The following NAALADL2 variants were observed in gnomAD, a reference collection of about 807,000 sequenced individuals.
The protein encoded by NAALADL2 is N-acetylated alpha-linked acidic dipeptidase like 2, also known as inactive N-acetylated-alpha-linked acidic dipeptidase-like protein 2.
Under a neutral mutation model 87.2 loss-of-function variants are expected in NAALADL2, and 76 were observed. That is an observed-to-expected ratio of 0.87 (90% CI 0.72 to 1.05). The LOEUF is 1.05. NAALADL2 is among the 50% of genes least tolerant of loss of function. The pLI, the probability that NAALADL2 is intolerant of heterozygous loss-of-function variation, is 0.00. For synonymous variants in NAALADL2, 354 were observed against 331.0 expected, an observed-to-expected ratio of 1.07 and a Z score of -0.75; for missense variants, 1,089 against 945.8, an observed-to-expected ratio of 1.15 and a Z score of -1.99.
chr3:175,681,809 A>C (rs1164275799), intron 11 of NAALADL2, among the ~76,000 whole-genome samples: 1 of 152,194 alleles, frequency 6.6e-6, no homozygotes, highest in Admixed American at 6.5e-5. Context: ...ATCTGACTCA[A>C]TGCTTGAAGA....
intron 9 of NAALADL2, among the ~76,000 whole-genome samples, chr3:175,522,946 T>C (rs1732856164): frequency 6.6e-6 from 1 of 152,228 alleles, no homozygotes; most frequent in South Asian, 2.1e-4. Context: ...ATGAAAGTTT[T>C]CCTGGAAGAC....
rs185923123 is a variant in NAALADL2 at position 174,717,547 on chromosome 3, G to A, written c.-114-20094G>A. On this transcript the variant is annotated intron_variant, in intron 2 of 3. Coordinates refer to the NAALADL2 transcript ENST00000434257. Reference sequence around the variant, plus strand: ...CTTCAGTTTAGTAGGCCAAATGTGTGCTTTCAGAGACCCATGACAAAAGGT... The same window carrying A: ...CTTCAGTTTAGTAGGCCAAATGTGTACTTTCAGAGACCCATGACAAAAGGT... 3.9e-5 allele frequency among the ~76,000 whole-genome samples: 6 copies of A among 152,214 alleles called. No homozygotes were observed. In the East Asian group the frequency reaches 1.2e-3, roughly 29 times the overall value.
chr3:175,585,232 A>T lies in NAALADL2; in HGVS notation c.1800+9045A>T, dbSNP rs1007035750. ...TAACCGAGGCCTCCACAGCATTAGG[A>T]TCTTCAAGACCTCATTAGGCAACAG... On this transcript the variant is annotated intron_variant, in intron 10 of 13. Transcript: ENST00000454872. 2.0e-5 allele frequency among the ~76,000 whole-genome samples: 3 copies of T among 152,246 alleles called. No individual in the cohort carries two copies. In the East Asian group the frequency reaches 5.8e-4, roughly 29 times the overall value.
chr3:175,529,308 G>A (rs1205876743), intron 9 of NAALADL2, among the ~76,000 whole-genome samples: 1 of 152,174 alleles, frequency 6.6e-6, no homozygotes, highest in Non-Finnish European at 1.5e-5. Flanking sequence ...TTAACTTCCA[G>A]TTTAATGGAA....
chr3:174,644,198 G>A (rs1054647742), intron 2 of NAALADL2, among the ~76,000 whole-genome samples: 1 of 152,152 alleles, frequency 6.6e-6, no homozygotes, highest in Admixed American at 6.5e-5. Context: ...TGCTTTCAGC[G>A]AGATTAGAAA....
intron 9 of NAALADL2, among the ~76,000 whole-genome samples, chr3:175,540,868 A>G (rs1712195897): frequency 6.6e-6 from 1 of 152,184 alleles, no homozygotes; most frequent in Non-Finnish European, 1.5e-5. Context: ...GATAATATTA[A>G]AGAGCCAAAG....
At chr3:175,303,558 A>G (rs1322081516) in intron 4 of NAALADL2, among the ~76,000 whole-genome samples, 1 of 152,168 alleles carries the variant, frequency 6.6e-6, no homozygotes, top group Non-Finnish European at 1.5e-5. Context: ...TCCATATTAG[A>G]TAACCTCATG....
At chr3:175,794,845 T>C (rs1208860142) in intron 13 of NAALADL2, among the ~76,000 whole-genome samples, 1 of 152,190 alleles carries the variant, frequency 6.6e-6, no homozygotes, top group East Asian at 1.9e-4. Context: ...TGAGACAACA[T>C]ACTATAGACT....
At chr3:175,466,145 T>C (rs145837974) in intron 7 of NAALADL2, among the ~76,000 whole-genome samples, 76 of 152,214 alleles carry the variant, frequency 5.0e-4, no homozygotes, top group African/African-American at 1.8e-3. Context: ...TACCATCCAG[T>C]TGTGGGACAT....
chr3:174,446,221 G>C (rs1443022976), intron 1 of NAALADL2, among the ~76,000 whole-genome samples: 1 of 152,048 alleles, frequency 6.6e-6, no homozygotes, highest in Non-Finnish European at 1.5e-5. Context: ...AATTTGATAG[G>C]AATATAGTAG....
chr3:174,764,277 G>A (rs1713476754), intron 3 of NAALADL2, among the ~76,000 whole-genome samples: 1 of 152,194 alleles, frequency 6.6e-6, no homozygotes, highest in Non-Finnish European at 1.5e-5. Flanking sequence ...ATAGTTTTAA[G>A]CTAGGTAACT....
chr3:175,332,633 C>T (rs1429714850), intron 5 of NAALADL2, among the ~76,000 whole-genome samples: 1 of 152,118 alleles, frequency 6.6e-6, no homozygotes, highest in African/African-American at 2.4e-5. Flanking sequence ...TTTGTTGAGA[C>T]GTGTGTTGTG....
At chr3:174,960,410 C>T (rs1194780781) in intron 1 of NAALADL2, among the ~76,000 whole-genome samples, 12 of 152,000 alleles carry the variant, frequency 7.9e-5, no homozygotes, top group Admixed American at 3.3e-4. Context: ...TGAGTTCTGG[C>T]GATGGAATGT....
intron 2 of NAALADL2, among the ~76,000 whole-genome samples, chr3:174,558,060 G>GTA (rs1234647681): frequency 6.6e-6 from 1 of 152,136 alleles, no homozygotes; most frequent in Admixed American, 6.5e-5. Context: ...AGAAAAGCAA[G>GTA]TATTCAGCAT....
intron 1 of NAALADL2, among the ~76,000 whole-genome samples, chr3:174,978,818 G>A (rs1429046745): frequency 6.6e-6 from 1 of 152,090 alleles, no homozygotes. Flanking sequence ...GAATTAAGAA[G>A]AGCCCAAGAA....
intron 9 of NAALADL2, among the ~76,000 whole-genome samples, chr3:175,510,487 G>C (rs532107833): frequency 6.6e-6 from 1 of 152,122 alleles, no homozygotes; most frequent in Non-Finnish European, 1.5e-5. Context: ...AGATCTGCAA[G>C]TCTCCTAAAA....
At chr3:175,746,269 T>C (rs1484612244) in intron 12 of NAALADL2, among the ~76,000 whole-genome samples, 1 of 151,738 alleles carries the variant, frequency 6.6e-6, no homozygotes, top group Non-Finnish European at 1.5e-5. Flanking sequence ...AAGCATTCCG[T>C]GTCCTGTTAG....
intron 3 of NAALADL2, among the ~76,000 whole-genome samples, chr3:174,810,348 A>G (rs970667937): frequency 1.5e-4 from 23 of 152,250 alleles, no homozygotes; most frequent in East Asian, 3.9e-4. Context: ...AATGCTGATA[A>G]TGATATGAAC....
intron 1 of NAALADL2, among the ~76,000 whole-genome samples, chr3:174,516,824 GTA>G (rs1491522101): frequency 4.6e-5 from 7 of 151,464 alleles, no homozygotes; most frequent in Admixed American, 2.6e-4. Flanking sequence ...ATGCTAAATG[GTA>G]AAAAAATCAC....
Sources: gnomAD v4.1 joint callset for allele counts (sites outside exome capture counted in the v4.1 genomes callset) on GRCh38, gnomAD v4.1.1 for gene constraint, MANE v1.5 for transcripts, NCBI Gene and HGNC (gene_info 2026-07-23, HGNC 2026-07-21) for gene names.